SPTSSA: variants seen among roughly 807,000 people sequenced by gnomAD.
The protein encoded by SPTSSA is small subunit of serine palmitoyltransferase A.
SPTSSA carries 8 observed loss-of-function variants against 9.1 expected under a neutral mutation model. That is an observed-to-expected ratio of 0.88 (90% CI 0.51 to 1.58). The LOEUF is 1.58. Among genes scored for constraint, SPTSSA ranks in the 40% most tolerant of loss-of-function variants. SPTSSA has a pLI of 0.00. For missense variants in SPTSSA, 100 were observed against 93.8 expected (o/e 1.07, Z -0.27); for synonymous variants, 42 against 37.7 (o/e 1.11, Z -0.41).
chr14:34,442,569 C>T (rs1400196128), intron 1 of SPTSSA, among the ~76,000 whole-genome samples: 2 of 152,196 alleles, frequency 1.3e-5, no homozygotes, highest in African/African-American at 2.4e-5. Flanking sequence ...AATACTAGGC[C>T]CTCCTTAGAA....
intron 1 of SPTSSA, among the ~76,000 whole-genome samples, chr14:34,458,302 G>T (rs527564759): frequency 6.7e-6 from 1 of 148,692 alleles, no homozygotes; most frequent in South Asian, 2.2e-4. Context: ...AAGAGATTCT[G>T]GTGCCTCAGC....
chr14:34,438,300 T>TA (rs987232010), intron 1 of SPTSSA, among the ~76,000 whole-genome samples: 2 of 152,116 alleles, frequency 1.3e-5, no homozygotes, highest in African/African-American at 4.8e-5. Context: ...ATTTTTTTTT[T>TA]AAATTTAGAA....
chr14:34,441,101 T>C (rs1466170182), intron 1 of SPTSSA, among the ~76,000 whole-genome samples: 1 of 151,966 alleles, frequency 6.6e-6, no homozygotes, highest in African/African-American at 2.4e-5. Flanking sequence ...GGTAACAGAG[T>C]GAGACCCTGT....
At chr14:34,441,451 G>T (rs1883314705) in intron 1 of SPTSSA, among the ~76,000 whole-genome samples, 1 of 152,178 alleles carries the variant, frequency 6.6e-6, no homozygotes, top group South Asian at 2.1e-4. Flanking sequence ...CTAAATTGTG[G>T]AGTGTACTTT....
chr14:34,448,514 T>A (rs1883464309), intron 1 of SPTSSA, among the ~76,000 whole-genome samples: 1 of 152,176 alleles, frequency 6.6e-6, no homozygotes, highest in Non-Finnish European at 1.5e-5. Flanking sequence ...CCAGAGGGTG[T>A]AGGCCAAGTA....
rs1262197062 is a variant in SPTSSA at position 34,434,962 on chromosome 14, C to T, written c.*239G>A. On this transcript the variant is annotated 3_prime_UTR_variant, in exon 2 of 2. Coordinates refer to ENST00000298130, the MANE Select transcript of SPTSSA (RefSeq NM_138288.4). ...TTAAGAAAATACTGATATCAAAGTA[C>T]AAATGACTACAATGTTAAAATAGAC... 2 of 291,352 alleles carry T rather than the reference C, an allele frequency of 6.9e-6. No homozygotes were observed. The highest frequency in any genetic ancestry group is 9.9e-5 in the Admixed American group (2 of 20,126). The allele number at this position is 291,352 out of a possible 1,614,324, so 18.0% of individuals were successfully genotyped here. A position where few individuals can be genotyped will look rare whatever the true frequency, so the allele number is the denominator to read the frequency against.
chr14:34,451,021 AT>A (rs770553832), intron 1 of SPTSSA, among the ~76,000 whole-genome samples: 3,020 of 142,226 alleles, frequency 0.021, 67 homozygotes, highest in African/African-American at 0.061. Flanking sequence ...AGAAATAAAG[AT>A]TTTTTTTTTT....
Position 34,444,227 on chromosome 14 carries a change from A to G in SPTSSA, c.113-8923T>C, listed in dbSNP as rs182268796. Among the ~76,000 whole-genome samples, 8 of 152,310 alleles carry G rather than the reference A, an allele frequency of 5.3e-5. No individual in the cohort carries two copies. The East Asian group carries it at 1.2e-3, about 22-fold the overall frequency. ...AAAGACAGTTTTAAAGATTATTAGT[A>G]AAAATGTCTTCAAAATGTAAACATT... is the stretch of plus-strand genomic sequence containing the variant. On this transcript the variant is annotated intron_variant, in intron 1 of 1. Transcript: ENST00000298130.
intron 1 of SPTSSA, among the ~76,000 whole-genome samples, chr14:34,448,967 T>C (rs1004036505): frequency 6.6e-6 from 1 of 151,750 alleles, no homozygotes; most frequent in Admixed American, 6.6e-5. Flanking sequence ...ACGGCTGTAC[T>C]CCAGCCTGGA....
intron 1 of SPTSSA, among the ~76,000 whole-genome samples, chr14:34,454,723 G>A (rs1883584413): frequency 6.6e-6 from 1 of 152,160 alleles, no homozygotes; most frequent in Admixed American, 6.5e-5. Context: ...CTTGTGGTTT[G>A]CTGGTTGTCC....
At chr14:34,452,199 T>TCG (rs1381942790) in intron 1 of SPTSSA, among the ~76,000 whole-genome samples, 1 of 140,100 alleles carries the variant, frequency 7.1e-6, no homozygotes, top group Non-Finnish European at 1.5e-5. Flanking sequence ...TGAGCCAAGA[T>TCG]CGCGCCACTG....
Position 34,462,165 on chromosome 14 carries a change from A to C in SPTSSA, c.43T>G (p.Trp15Gly). The change falls in exon 1 of 2, where the codon TGG becomes GGG. Residue 15 changes from tryptophan (W) to glycine (G), a missense_variant. Transcript: ENST00000298130. ...ACCAGCAGGTACTGGTAGTAGAACC[A>C]GGACATCTGCTTCCAGGCCCGCGCC... ...ALARAWKQMSWFYYQYLLVTA... is the reference protein window; with the variant it reads ...ALARAWKQMSGFYYQYLLVTA... 6.5e-7 allele frequency: 1 copy of C among 1,532,736 alleles called. No individual in the cohort carries two copies. Among genetic ancestry groups the C allele is most frequent in the Non-Finnish European group, 8.8e-7 (1 of 1,135,632 alleles). 94.9% of individuals were successfully genotyped at this position (1,532,736 alleles called of 1,614,324 possible).
chr14:34,438,792 T>C (rs143331110), intron 1 of SPTSSA, among the ~76,000 whole-genome samples: 1 of 152,330 alleles, frequency 6.6e-6, no homozygotes, highest in Non-Finnish European at 1.5e-5. Flanking sequence ...AAGGCATTTA[T>C]CATCCTTTAC....
At chr14:34,437,440 T>C (rs1447232838) in intron 1 of SPTSSA, among the ~76,000 whole-genome samples, 1 of 152,242 alleles carries the variant, frequency 6.6e-6, no homozygotes, top group Non-Finnish European at 1.5e-5. Context: ...ATAGCAGCCA[T>C]GCCCTTTTGG....
intron 1 of SPTSSA, among the ~76,000 whole-genome samples, chr14:34,440,663 C>T (rs1469732637): frequency 6.6e-6 from 1 of 152,102 alleles, no homozygotes; most frequent in East Asian, 1.9e-4. Context: ...GGGTGGATCA[C>T]CTGAGGTCGG....
In SPTSSA at chr14:34,433,661, G is replaced by A. The variant is rs992780511; in HGVS notation, c.*1540C>T. 4 of 151,666 alleles carry A rather than the reference G, an allele frequency of 2.6e-5. No individual in the cohort carries two copies. Among genetic ancestry groups the A allele is most frequent in the Non-Finnish European group, 4.4e-5 (3 of 67,920 alleles). The allele number at this position is 151,666 out of a possible 1,614,324, so 9.4% of individuals were successfully genotyped here. ...CAAAAGTCTAGTCCTTAAAACGTAG[G>A]GCAAAAAATACCTCAATTTTGGCCG... On this transcript the variant is annotated 3_prime_UTR_variant, in exon 2 of 2. Coordinates refer to ENST00000298130, the MANE Select transcript of SPTSSA (RefSeq NM_138288.4).
rs1883215715 is a variant in SPTSSA, at chr14:34,434,989, A to C, written c.*212T>G. 2.8e-6 allele frequency: 1 copy of C among 354,624 alleles called. No homozygotes were observed. The highest frequency in any genetic ancestry group is 4.5e-5 in the Admixed American group (1 of 22,352). The allele number at this position is 354,624 out of a possible 1,614,324, so 22.0% of individuals were successfully genotyped here. ...AATGACTACAATGTTAAAATAGACA[A>C]AAACTGCTATACAAGAGCCTCTTTG... On this transcript the variant is annotated 3_prime_UTR_variant, in exon 2 of 2. Transcript: ENST00000298130.
At chr14:34,436,685 T>A (rs552665528) in intron 1 of SPTSSA, among the ~76,000 whole-genome samples, 7 of 152,326 alleles carry the variant, frequency 4.6e-5, no homozygotes, top group African/African-American at 1.4e-4. Flanking sequence ...AGCTTTCCTA[T>A]GAAATGTTTA....
At chr14:34,436,823 T>A (rs1883248492) in intron 1 of SPTSSA, among the ~76,000 whole-genome samples, 1 of 152,120 alleles carries the variant, frequency 6.6e-6, no homozygotes, top group Admixed American at 6.5e-5. Context: ...ATTCTCTTCA[T>A]CCAGCAAACA....
Sources: allele counts gnomAD v4.1 joint callset (sites outside exome capture counted in the v4.1 genomes callset), GRCh38; gene constraint gnomAD v4.1.1; transcripts MANE v1.5; gene names NCBI Gene and HGNC (gene_info 2026-07-23, HGNC 2026-07-21).